The following CTBP2 variants were observed in gnomAD, a reference collection of about 807,000 sequenced individuals.
The protein encoded by CTBP2 is C-terminal binding protein 2.
CTBP2 carries 30 observed loss-of-function variants against 80.3 expected under a neutral mutation model. That is an observed-to-expected ratio of 0.37 (90% CI 0.28 to 0.51). The LOEUF (loss-of-function observed/expected upper bound fraction) is 0.51. Ranked by LOEUF, CTBP2 falls within the 20% of genes least tolerant of loss-of-function variation. The probability of loss-of-function intolerance (pLI) is 0.93; values close to 1 mark genes in which losing one functional copy is unlikely to be tolerated. For missense variants in CTBP2, 1,212 were observed against 1,375.3 expected (o/e 0.88, Z 1.88); for synonymous variants, 594 against 587.4 (o/e 1.01, Z -0.16).
chr10:125,119,407 G>A (rs1300100182), intron 1 of CTBP2, among the ~76,000 whole-genome samples: 2 of 152,186 alleles, frequency 1.3e-5, no homozygotes, highest in Non-Finnish European at 2.9e-5. Flanking sequence ...TTAGAAAAGT[G>A]GTCAAGATGT....
At position 125,026,447 on chromosome 10, in the gene CTBP2, C is replaced by T. The variant is rs1957564380; in HGVS notation, c.1313G>A (p.Gly438Glu). 3 of 1,600,848 alleles carry T rather than the reference C, an allele frequency of 1.9e-6. No homozygotes were observed. Among genetic ancestry groups the T allele is most frequent in the Non-Finnish European group, 8.5e-7 (1 of 1,171,014 alleles). Residue 438 changes from glycine to glutamate, a missense_variant, in exon 1 of 9, where the codon GGG (glycine) becomes GAG (glutamate). Gly to Glu is a moderately conservative substitution (Grantham distance 98). Transcript: ENST00000309035. Reference sequence around the variant, plus strand: ...GGCGCAAGGGGTGGGAGAGCTGTACCCGGAGTTGGAGGGGAAGTGTGGGGC... The same window carrying T: ...GGCGCAAGGGGTGGGAGAGCTGTACTCGGAGTTGGAGGGGAAGTGTGGGGC...
At chr10:125,135,008 A>C (rs1856774775) in intron 1 of CTBP2, among the ~76,000 whole-genome samples, 1 of 152,092 alleles carries the variant, frequency 6.6e-6, no homozygotes, top group South Asian at 2.1e-4. Flanking sequence ...TCACAACCTC[A>C]AACCTTCCCG....
At chr10:125,059,045 T>C (rs1480711016) in intron 2 of CTBP2, among the ~76,000 whole-genome samples, 1 of 152,124 alleles carries the variant, frequency 6.6e-6, no homozygotes, top group Admixed American at 6.6e-5. Context: ...AGGGGGAGGC[T>C]TCTGCATGGA....
intron 1 of CTBP2, among the ~76,000 whole-genome samples, chr10:125,146,489 G>T (rs1858801093): frequency 6.6e-6 from 1 of 152,038 alleles, no homozygotes; most frequent in African/African-American, 2.4e-5. Context: ...TGCCATGTTG[G>T]CCAGGCTGGT....
chr10:125,082,513 C>A (rs1847320260), intron 2 of CTBP2, among the ~76,000 whole-genome samples: 1 of 152,104 alleles, frequency 6.6e-6, no homozygotes, highest in South Asian at 2.1e-4. Context: ...AATTTTTACT[C>A]CCCCATGAGG....
intron 1 of CTBP2, among the ~76,000 whole-genome samples, chr10:125,005,170 G>A (rs987458428): frequency 5.3e-5 from 8 of 152,176 alleles, no homozygotes; most frequent in Non-Finnish European, 7.3e-5. Context: ...GGCCGTGCTC[G>A]GCCAGTGGGA....
Position 125,026,330 on chromosome 10 carries a change from C to T in CTBP2, c.1430G>A (p.Arg477Lys). ...CGTGTATGCCGTGGAGTAGGCTGTT[C>T]TGGGGCCTGGGTGAAGGGGGTTTGA... Residue 477 changes from arginine to lysine, a missense_variant, in exon 1 of 9, where the codon AGA becomes AAA. By Grantham distance (26) the Arg-to-Lys change is conservative. This residue lies in a region of CTBP2 where 848 missense variants were observed against 782.3 expected (regional missense o/e 1.08). Transcript: ENST00000309035. The T allele has an allele frequency of 6.2e-7, 1 of 1,613,840 alleles. No homozygotes were observed. The highest frequency in any genetic ancestry group is 8.5e-7 in the Non-Finnish European group (1 of 1,179,948).
intron 7 of CTBP2, among the ~76,000 whole-genome samples, 170 bp from the exon 10 acceptor site, chr10:124,992,982 C>T (rs1952907752): frequency 6.6e-6 from 1 of 152,124 alleles, no homozygotes; most frequent in Admixed American, 6.5e-5. Flanking sequence ...CTGTGTGCCC[C>T]CCGACCCCCG....
At chr10:125,106,225 G>A (rs567732388) in intron 2 of CTBP2, among the ~76,000 whole-genome samples, 1 of 151,298 alleles carries the variant, frequency 6.6e-6, no homozygotes, top group Non-Finnish European at 1.5e-5. Flanking sequence ...CACTTCACAT[G>A]GACCAAGTGC....
intron 1 of CTBP2, among the ~76,000 whole-genome samples, chr10:125,132,505 C>T (rs560443005): frequency 6.6e-6 from 1 of 152,216 alleles, no homozygotes; most frequent in African/African-American, 2.4e-5. Flanking sequence ...AAACAGCTGG[C>T]GAGGGGCGGA....
intron 8 of CTBP2, among the ~76,000 whole-genome samples, chr10:124,989,928 C>T (rs999903167): frequency 6.6e-5 from 10 of 151,832 alleles, no homozygotes; most frequent in African/African-American, 2.4e-4. Context: ...TGTAGAGATG[C>T]GGTTTTGCCA....
At position 125,010,248 on chromosome 10, in the gene CTBP2, T is replaced by C. The variant is rs529788852; in HGVS notation, c.1679-6756A>G. Among the ~76,000 whole-genome samples, 7 of 143,154 alleles carry C rather than the reference T, an allele frequency of 4.9e-5. No individual in the cohort carries two copies. In the South Asian group the frequency reaches 1.1e-3, roughly 23 times the overall value. 93.9% of individuals were successfully genotyped at this position (143,154 alleles called of 152,430 possible). ...AAAAAAAAAAAAAAAAAAAAGCAAC[T>C]GCTATTGGAAATCTCAGCTTTGTTT... On this transcript the variant is annotated intron_variant, in intron 1 of 8. Transcript: ENST00000309035.
chr10:125,104,229 C>T (rs17643974), intron 2 of CTBP2, among the ~76,000 whole-genome samples: 9,563 of 152,224 alleles, frequency 0.063, 295 homozygotes, highest in Middle Eastern at 0.078. Context: ...GGACCCTGTG[C>T]GGGCGCCATT....
intron 2 of CTBP2, among the ~76,000 whole-genome samples, chr10:125,051,754 G>T (rs1177968803): frequency 1.3e-5 from 2 of 152,014 alleles, no homozygotes; most frequent in African/African-American, 4.8e-5. Flanking sequence ...TTATGTTAAA[G>T]TTCTAAGCCC....
chr10:125,122,990 T>C (rs1361301105), intron 1 of CTBP2: 1 of 152,266 alleles, frequency 6.6e-6, no homozygotes, highest in Non-Finnish European at 1.5e-5. Flanking sequence ...GCGGCAATGC[T>C]GTAAGGTTCC....
Position 125,095,936 on chromosome 10 carries a change from G to A in CTBP2, c.-102+15054C>T, listed in dbSNP as rs1165023651. Among the ~76,000 whole-genome samples, 5 of 152,138 alleles carry A rather than the reference G, an allele frequency of 3.3e-5. No homozygotes were observed. The East Asian group carries it at 7.7e-4, about 23-fold the overall frequency. ...GGCAGGGGAGTCCTTGCCTCTGCCAGGAAGTCCTGCCAAGTCTTCACCCCC... is the reference window on the plus strand; with the variant it reads ...GGCAGGGGAGTCCTTGCCTCTGCCAAGAAGTCCTGCCAAGTCTTCACCCCC... On this transcript the variant is annotated intron_variant, in intron 2 of 10. Coordinates refer to the CTBP2 transcript ENST00000337195.
At chr10:125,132,222 A>C (rs1337271543) in intron 1 of CTBP2, among the ~76,000 whole-genome samples, 2 of 152,198 alleles carry the variant, frequency 1.3e-5, no homozygotes, top group Non-Finnish European at 2.9e-5. Flanking sequence ...TTTTGCAAAA[A>C]CAGGTTCATG....
intron 2 of CTBP2, among the ~76,000 whole-genome samples, chr10:125,104,528 C>T (rs192184348): frequency 6.6e-6 from 1 of 152,192 alleles, no homozygotes; most frequent in Non-Finnish European, 1.5e-5. Context: ...GTTCGGGCTG[C>T]TTCTCAGGAT....
intron 4 of CTBP2, among the ~76,000 whole-genome samples, chr10:124,995,710 T>C (rs762306100): frequency 6.6e-6 from 1 of 152,122 alleles, no homozygotes; most frequent in Non-Finnish European, 1.5e-5. Context: ...ACAACTAGTA[T>C]AGCAAGGCAC....
Sources: allele counts gnomAD v4.1 joint callset (sites outside exome capture counted in the v4.1 genomes callset), GRCh38; gene constraint gnomAD v4.1.1; regional missense constraint gnomAD v4.1.1; transcripts MANE v1.5; gene names NCBI Gene and HGNC (gene_info 2026-07-23, HGNC 2026-07-21).